Variants in SIDT1 observed in about 807,000 individuals in gnomAD.
The protein encoded by SIDT1 is SID1 transmembrane family member 1, also known as SID1 transmembrane family, member 1.
A neutral mutation model predicts 107.5 loss-of-function variants in SIDT1; 101 were observed. The ratio of observed to expected loss-of-function variants is 0.94; its 90% confidence interval spans 0.80 to 1.11. The LOEUF is 1.11. Among genes scored for constraint, SIDT1 ranks in the 50% least tolerant of loss-of-function variants. The pLI, the probability that SIDT1 is intolerant of heterozygous loss-of-function variation, is 0.00. For synonymous variants in SIDT1, 395 were observed against 398.2 expected (o/e 0.99, Z 0.10); for missense variants, 1,076 against 1,058.2 (o/e 1.02, Z -0.23).
At chr3:113,616,226 A>T (rs1946094213) in intron 20 of SIDT1, 50 bp downstream of exon 20, 1 of 1,406,654 alleles carries the variant, frequency 7.1e-7, no homozygotes, top group East Asian at 2.3e-5. Context: ...AAGCAGGGGA[A>T]TAGTAGGAGG....
chr3:113,619,580 A>C, intron 20 of SIDT1, 100 bp from the exon 21 acceptor site: 2 of 981,304 alleles, frequency 2.0e-6, no homozygotes, highest in Non-Finnish European at 3.2e-6. Flanking sequence ...TATTTTCACC[A>C]ATGCAATTGT....
intron 9 of SIDT1, among the ~76,000 whole-genome samples, chr3:113,588,226 A>G (rs1197876216): frequency 6.6e-6 from 1 of 152,234 alleles, no homozygotes; most frequent in Non-Finnish European, 1.5e-5. Context: ...TTATTTTGCT[A>G]TGGTCAAATG....
intron 1 of SIDT1, among the ~76,000 whole-genome samples, chr3:113,552,105 C>T (rs11922451): frequency 0.014 from 2,064 of 152,228 alleles, 39 homozygotes; most frequent in African/African-American, 0.046. Flanking sequence ...CTTAAATAAA[C>T]GCCTACCTGG....
Position 113,576,910 on chromosome 3 carries a change from T to TA in SIDT1, c.516-11dup, listed in dbSNP as rs149334335. 9 of 1,614,042 alleles carry TA rather than the reference T, an allele frequency of 5.6e-6. No individual in the cohort carries two copies. In the East Asian group the frequency reaches 1.1e-4, roughly 20 times the overall value. On this transcript the variant is annotated splice_polypyrimidine_tract_variant and intron_variant, in intron 3 of 24. Coordinates refer to ENST00000264852, the MANE Select transcript of SIDT1 (RefSeq NM_017699.3). ...CTTTTCCCCTTTCCCTTCTGCCACT[T>TA]ACGTTTCTCAGGACAAATGTTGCCT... is the stretch of plus-strand genomic sequence containing the variant.
At position 113,595,770 on chromosome 3, in the gene SIDT1, C is replaced by A. The variant is rs77961126; in HGVS notation, c.1045+2722C>A. On this transcript the variant is annotated intron_variant, in intron 10 of 24. Transcript: ENST00000264852. ...CTTGAAATAGGAAGAAAATAAGGAA[C>A]CTTTGTAAGGTAGAGAGGCCACAGG... Among the ~76,000 whole-genome samples the A allele has an allele frequency of 7.6e-3, 1,149 of 152,162 alleles. 16 individuals are homozygous for A. The highest frequency in any genetic ancestry group is 0.025 in the African/African-American group (1,038 of 41,498).
chr3:113,588,098 G>T (rs1301090763), intron 9 of SIDT1, among the ~76,000 whole-genome samples: 1 of 152,148 alleles, frequency 6.6e-6, no homozygotes, highest in Non-Finnish European at 1.5e-5. Context: ...CATACAAACA[G>T]ACAAGTTAAG....
chr3:113,581,606 C>G, intron 6 of SIDT1, 162 bp downstream of exon 6: 1 of 620,716 alleles, frequency 1.6e-6, no homozygotes, highest in Non-Finnish European at 2.9e-6. Context: ...GGCGCAGTGG[C>G]TCACACCTGT....
chr3:113,583,288 A>G, intron 6 of SIDT1, 121 bp from the exon 7 acceptor site: 1 of 564,494 alleles, frequency 1.8e-6, no homozygotes, highest in African/African-American at 1.8e-5. Flanking sequence ...AAGGAGTTAG[A>G]GGGCAGGGGT....
intron 9 of SIDT1, chr3:113,592,583 G>T: frequency 6.6e-6 from 1 of 151,890 alleles, no homozygotes; most frequent in Admixed American, 6.4e-5. Flanking sequence ...TGTTTGTTTT[G>T]TTTTTCTTTT....
At chr3:113,580,306 A>G (rs1422319481) in intron 4 of SIDT1, among the ~76,000 whole-genome samples, 1 of 152,264 alleles carries the variant, frequency 6.6e-6, no homozygotes, top group Non-Finnish European at 1.5e-5. Flanking sequence ...CTTCTTAAAC[A>G]GGAAACAAAC....
Position 113,601,577 on chromosome 3 carries a change from T to G in SIDT1, c.1046-11T>G. 1 of 1,612,232 alleles carries G rather than the reference T, an allele frequency of 6.2e-7. No individual in the cohort carries two copies. Among genetic ancestry groups the G allele is most frequent in the Non-Finnish European group, 8.5e-7 (1 of 1,178,310 alleles). The stretch of plus-strand genomic sequence containing the variant: ...GACATAAAGTGTTTGCCTCTTCACT[T>G]TTTTTAACAGGCTCTGGAAATATGG... On this transcript the variant is annotated splice_polypyrimidine_tract_variant and intron_variant, in intron 10 of 24. Coordinates refer to ENST00000264852, the MANE Select transcript of SIDT1 (RefSeq NM_017699.3).
intron 12 of SIDT1, 107 bp downstream of exon 12, chr3:113,603,257 C>T: frequency 8.7e-7 from 1 of 1,145,192 alleles, no homozygotes. Context: ...TCAGGGAAAC[C>T]CAAATTTCCC....
At chr3:113,539,918 C>T (rs981523707) in intron 1 of SIDT1, among the ~76,000 whole-genome samples, 1 of 151,364 alleles carries the variant, frequency 6.6e-6, no homozygotes, top group African/African-American at 2.4e-5. Flanking sequence ...GCAGGAGACT[C>T]ACTTGAACCT....
chr3:113,538,749 G>C (rs576481787), intron 1 of SIDT1, among the ~76,000 whole-genome samples: 1 of 152,302 alleles, frequency 6.6e-6, no homozygotes, highest in South Asian at 2.1e-4. Flanking sequence ...AGCTTTGTTG[G>C]AGGAAATGAG....
At position 113,585,240 on chromosome 3, in the gene SIDT1, G is replaced by C. The variant is rs772520433; in HGVS notation, c.971G>C (p.Cys324Ser). 2 of 1,613,406 alleles carry C rather than the reference G, an allele frequency of 1.2e-6. No homozygotes were observed. Among genetic ancestry groups the C allele is most frequent in the South Asian group, 2.2e-5 (2 of 91,054 alleles). The change falls in exon 9 of 25, where the codon TGC (cysteine) becomes TCC (serine). Residue 324 changes from cysteine (C) to serine (S), a missense_variant. Physicochemically the swap from Cys to Ser is moderately radical, Grantham distance 112 (BLOSUM62 -1). Transcript: ENST00000264852. ...VFIFLSFYLGCLLVGFVHYLR... is the reference protein window; with the variant it reads ...VFIFLSFYLGSLLVGFVHYLR... ...ATCTTCCTGTCCTTCTACTTGGGATGCCTTCTTGTTGGGTTTGTTCATTAT... is the reference window on the plus strand; with the variant it reads ...ATCTTCCTGTCCTTCTACTTGGGATCCCTTCTTGTTGGGTTTGTTCATTAT...
At chr3:113,537,996 T>C (rs1217644219) in intron 1 of SIDT1, among the ~76,000 whole-genome samples, 2 of 152,160 alleles carry the variant, frequency 1.3e-5, no homozygotes, top group Non-Finnish European at 2.9e-5. Context: ...TTGGCTAGGC[T>C]GGTCTCAAAC....
chr3:113,539,677 C>G (rs1440047216), intron 1 of SIDT1, among the ~76,000 whole-genome samples: 1 of 152,130 alleles, frequency 6.6e-6, no homozygotes, highest in African/African-American at 2.4e-5. Context: ...TCCTAGTTCT[C>G]AACTAGATCA....
intron 1 of SIDT1, among the ~76,000 whole-genome samples, chr3:113,555,383 T>C (rs1340438582): frequency 6.6e-6 from 1 of 152,234 alleles, no homozygotes; most frequent in Non-Finnish European, 1.5e-5. Context: ...CACTGCTGAT[T>C]AATGTATCTC....
intron 1 of SIDT1, among the ~76,000 whole-genome samples, chr3:113,563,949 T>C (rs779055157): frequency 9.2e-5 from 14 of 152,254 alleles, no homozygotes; most frequent in Non-Finnish European, 1.6e-4. Context: ...TTCTTTTTTT[T>C]TTGTTTTGTT....
Sources: gnomAD v4.1 joint callset for allele counts (sites outside exome capture counted in the v4.1 genomes callset) on GRCh38, gnomAD v4.1.1 for gene constraint, MANE v1.5 for transcripts, NCBI Gene and HGNC (gene_info 2026-07-23, HGNC 2026-07-21) for gene names.